The following U2SURP variants were observed in gnomAD, a reference collection of about 807,000 sequenced individuals.
The protein encoded by U2SURP is U2 snRNP-associated SURP motif-containing protein.
U2SURP carries 9 observed loss-of-function variants against 144.9 expected under a neutral mutation model. The ratio of observed to expected loss-of-function variants is 0.06; its 90% CI spans 0.04 to 0.11. The LOEUF is 0.11. U2SURP is among the 10% of genes least tolerant of loss of function. The pLI is 1.00. For missense variants in U2SURP, 724 were observed against 1,226.7 expected (o/e 0.59, Z 6.12); for synonymous variants, 408 against 396.8 (o/e 1.03, Z -0.33).
At chr3:143,045,556 A>G (rs1934389867) in intron 24 of U2SURP, among the ~76,000 whole-genome samples, 1 of 152,292 alleles carries the variant, frequency 6.6e-6, no homozygotes. Flanking sequence ...CATGTAATTT[A>G]GCTTTTTTGT....
intron 1 of U2SURP, among the ~76,000 whole-genome samples, chr3:143,004,816 A>G (rs1171214674): frequency 6.6e-6 from 1 of 152,136 alleles, no homozygotes; most frequent in African/African-American, 2.4e-5. Flanking sequence ...GAAATGAGCT[A>G]AAATTTTCCT....
chr3:143,060,159 G>A lies in U2SURP; in HGVS notation c.*3709G>A, dbSNP rs1390624032. 6.6e-6 allele frequency: 1 copy of A among 152,408 alleles called. No individual in the cohort carries two copies. The highest frequency in any genetic ancestry group is 1.5e-5 in the Non-Finnish European group (1 of 67,886). 9.4% of individuals were successfully genotyped at this position (152,408 alleles called of 1,614,324 possible). A position where few individuals can be genotyped will look rare whatever the true frequency, so the allele number is the denominator to read the frequency against. ...GGTAATTTGTATAGTTTTGTAGATT[G>A]TAGATTAAATGCACTCATCATGTCA... On this transcript the variant is annotated 3_prime_UTR_variant, in exon 28 of 28. Coordinates refer to ENST00000473835, the MANE Select transcript of U2SURP (RefSeq NM_001080415.2).
chr3:143,011,172 C>G (rs1936106742), intron 2 of U2SURP, among the ~76,000 whole-genome samples: 1 of 152,134 alleles, frequency 6.6e-6, no homozygotes, highest in South Asian at 2.1e-4. Context: ...GCCTTTCTCA[C>G]CGCACAAAAC....
intron 18 of U2SURP, among the ~76,000 whole-genome samples, 197 bp downstream of exon 18, chr3:143,033,547 A>T (rs1262078664): frequency 1.3e-5 from 2 of 152,182 alleles, no homozygotes; most frequent in Non-Finnish European, 2.9e-5. Context: ...TCTGTACCGA[A>T]CCTGTACAGA....
At chr3:143,052,696 T>C (rs1443075907) in intron 25 of U2SURP, among the ~76,000 whole-genome samples, 1 of 152,258 alleles carries the variant, frequency 6.6e-6, no homozygotes, top group Admixed American at 6.5e-5. Context: ...GAGCATTTAC[T>C]GTCTGGCTCT....
Position 143,056,337 on chromosome 3 carries a change from A to G in U2SURP, c.2977A>G (p.Lys993Glu). Residue 993 changes from lysine (K) to glutamate (E), a missense_variant, in exon 28 of 28, where the codon AAA becomes GAA. Lys to Glu is a moderately conservative substitution (Grantham distance 56). Transcript: ENST00000473835. ...KRSPSGSRTP[K>E]RSRRSRSRSP... ...ATCACCATCTGGTTCAAGGACACCT[A>G]AAAGGTCTAGGCGATCACGGTCTAG... 6.2e-7 allele frequency: 1 copy of G among 1,608,912 alleles called. No individual in the cohort carries two copies. Among genetic ancestry groups the G allele is most frequent in the Non-Finnish European group, 8.5e-7 (1 of 1,177,100 alleles).
Position 143,057,407 on chromosome 3 carries a change from C to CCCA in U2SURP, c.*957_*958insCCA, listed in dbSNP as rs397704676. On this transcript the variant is annotated 3_prime_UTR_variant, in exon 28 of 28. Transcript: ENST00000473835. ...TTAAACAGCTTAGTTGGTCCCCCCC[C>CCCA]ACTCCCAAGAGACTTGGGTTTAGTT... is the stretch of plus-strand genomic sequence containing the variant. 2.6e-5 allele frequency: 4 copies of CCCA among 151,642 alleles called. No individual in the cohort carries two copies. Among genetic ancestry groups the CCCA allele is most frequent in the Admixed American group, 2.0e-4 (3 of 15,160 alleles). 9.4% of individuals were successfully genotyped at this position (151,642 alleles called of 1,614,324 possible).
chr3:143,056,189 A>T, intron 27 of U2SURP, 123 bp from the exon 28 acceptor site: 1 of 1,002,626 alleles, frequency 1.0e-6, no homozygotes, highest in Non-Finnish European at 1.4e-6. Flanking sequence ...TTAGAAGTTC[A>T]TAGTCTTATT....
At chr3:143,006,462 C>T (rs1029599563) in intron 1 of U2SURP, among the ~76,000 whole-genome samples, 7 of 152,078 alleles carry the variant, frequency 4.6e-5, no homozygotes, top group African/African-American at 1.2e-4. Flanking sequence ...TAAGAATGTA[C>T]CCATTTTTAG....
intron 20 of U2SURP, 123 bp downstream of exon 20, chr3:143,036,227 A>C: frequency 2.7e-6 from 3 of 1,098,056 alleles, no homozygotes; most frequent in Admixed American, 3.6e-5. Context: ...ATTGCTTACC[A>C]TTAAGTAGTG....
intron 5 of U2SURP, 81 bp downstream of exon 5, chr3:143,016,452 G>C: frequency 8.3e-7 from 1 of 1,199,470 alleles, no homozygotes; most frequent in Non-Finnish European, 1.2e-6. Flanking sequence ...TTGAATGACT[G>C]CAGGTAGATA....
intron 3 of U2SURP, among the ~76,000 whole-genome samples, chr3:143,013,088 T>A (rs1251464122): frequency 6.6e-6 from 1 of 152,102 alleles, no homozygotes; most frequent in Non-Finnish European, 1.5e-5. Context: ...GTAAACAAAC[T>A]TTTAAATGAT....
At chr3:143,049,179 T>C (rs1934708866) in intron 24 of U2SURP, among the ~76,000 whole-genome samples, 1 of 147,796 alleles carries the variant, frequency 6.8e-6, no homozygotes, top group African/African-American at 2.5e-5. Flanking sequence ...GGCGGGAGAA[T>C]TGCTTGAACC....
chr3:143,034,817 T>G, intron 18 of U2SURP, 71 bp from the exon 19 acceptor site: 1 of 996,642 alleles, frequency 1.0e-6, no homozygotes, highest in Non-Finnish European at 1.5e-6. Context: ...GGGGTTTTCA[T>G]TGGCTGGCAT....
Position 143,056,702 on chromosome 3 carries a change from A to G in U2SURP, c.*252A>G. 1 of 367,926 alleles carries G rather than the reference A, an allele frequency of 2.7e-6. No homozygotes were observed. Among genetic ancestry groups the G allele is most frequent in the Non-Finnish European group, 5.0e-6 (1 of 201,416 alleles). 22.8% of individuals were successfully genotyped at this position (367,926 alleles called of 1,614,324 possible). ...ATTGTTCTAATGGATTTCATCAGAA[A>G]TGTGTATAATGGATCTGCTGACAGT... On this transcript the variant is annotated 3_prime_UTR_variant, in exon 28 of 28. Coordinates refer to ENST00000473835, the MANE Select transcript of U2SURP (RefSeq NM_001080415.2).
chr3:143,049,998 A>G (rs183298007), intron 24 of U2SURP, among the ~76,000 whole-genome samples: 8 of 152,308 alleles, frequency 5.3e-5, no homozygotes, highest in African/African-American at 1.7e-4. Context: ...TTTACAAACA[A>G]TGCTGCAATG....
intron 10 of U2SURP, 178 bp downstream of exon 10, chr3:143,021,733 C>T (rs1417319866): frequency 1.6e-6 from 1 of 626,174 alleles, no homozygotes; most frequent in Admixed American, 3.1e-5. Context: ...TTTCCTCTTT[C>T]AGTAACTAGA....
rs184839560 is a variant in U2SURP, at chr3:143,046,332, T to A, written c.2544+3056T>A. 5.5e-3 allele frequency among the ~76,000 whole-genome samples: 817 copies of A among 147,276 alleles called. 5 individuals are homozygous for A. Among genetic ancestry groups the A allele is most frequent in the African/African-American group, 0.019 (751 of 40,418 alleles). On this transcript the variant is annotated intron_variant, in intron 24 of 27. Transcript: ENST00000473835. ...ATTTTTATTTTTTTATTTTTTATTT[T>A]TTTTTTTATTGATCATTCTTGGGTG...
chr3:143,026,203 C>T (rs1470720139), intron 13 of U2SURP: 1 of 152,036 alleles, frequency 6.6e-6, no homozygotes, highest in Admixed American at 6.6e-5. Context: ...AATAAAATAT[C>T]ACATGATTTT....
Sources: gnomAD v4.1 joint callset for allele counts (sites outside exome capture counted in the v4.1 genomes callset) on GRCh38, gnomAD v4.1.1 for gene constraint, MANE v1.5 for transcripts, NCBI Gene and HGNC (gene_info 2026-07-23, HGNC 2026-07-21) for gene names.